GPR39: variants seen among roughly 807,000 people sequenced by gnomAD.
GPR39 encodes G protein-coupled receptor 39.
GPR39 carries 23 observed loss-of-function variants against 18.4 expected under a neutral mutation model. The observed-to-expected ratio is 1.25, with a 90% CI of 0.90 to 1.77. GPR39 has a LOEUF of 1.77. Among genes scored for constraint, GPR39 ranks in the 40% most tolerant of loss-of-function variants. The probability of loss-of-function intolerance (pLI) is 0.00; values close to 1 mark genes in which losing one functional copy is unlikely to be tolerated. For synonymous variants in GPR39, 280 were observed against 257.9 expected (o/e 1.09, Z -0.82); for missense variants, 647 against 602.4 (o/e 1.07, Z -0.78).
Position 132,512,563 on chromosome 2 carries a change from C to A in GPR39, c.856+94665C>A, listed in dbSNP as rs113782197. Among the ~76,000 whole-genome samples the A allele has an allele frequency of 9.2e-4, 140 of 152,318 alleles. 1 individual carries two copies. Among genetic ancestry groups the A allele is most frequent in the Non-Finnish European group, 1.6e-3 (112 of 68,028 alleles). ...GAATCAGGTTGGAATCCTCCCTCTA[C>A]TCTTTATCAGCTATGTGACCTCAGG... is the stretch of plus-strand genomic sequence containing the variant. On this transcript the variant is annotated intron_variant, in intron 1 of 1. Transcript: ENST00000329321.
At chr2:132,609,425 C>T (rs1007621306) in intron 1 of GPR39, among the ~76,000 whole-genome samples, 6 of 152,242 alleles carry the variant, frequency 3.9e-5, no homozygotes, top group South Asian at 2.1e-4. Context: ...GATGAGAAAA[C>T]GGAGAGTCAG....
chr2:132,607,771 CTCTT>C (rs1379208136), intron 1 of GPR39, among the ~76,000 whole-genome samples: 2 of 152,190 alleles, frequency 1.3e-5, no homozygotes, highest in Non-Finnish European at 2.9e-5. Context: ...GCTGCAAAAA[CTCTT>C]TCAATATGGC....
intron 1 of GPR39, among the ~76,000 whole-genome samples, chr2:132,524,532 C>T (rs1679477204): frequency 6.6e-6 from 1 of 152,164 alleles, no homozygotes; most frequent in South Asian, 2.1e-4. Flanking sequence ...CTGTGTCTCT[C>T]ATTTTCTCTA....
intron 1 of GPR39, among the ~76,000 whole-genome samples, chr2:132,576,440 C>A (rs1470340443): frequency 1.3e-5 from 2 of 152,030 alleles, no homozygotes; most frequent in Non-Finnish European, 2.9e-5. Context: ...ATCACTTGAG[C>A]CCAGGAATTC....
At chr2:132,492,728 C>CAT (rs756454266) in intron 1 of GPR39, among the ~76,000 whole-genome samples, 164 of 65,318 alleles carry the variant, frequency 2.5e-3, no homozygotes, top group Non-Finnish European at 4.9e-3. Flanking sequence ...ATATATATAC[C>CAT]ATATATATAT....
At chr2:132,552,126 A>C (rs1680055136) in intron 1 of GPR39, among the ~76,000 whole-genome samples, 1 of 152,230 alleles carries the variant, frequency 6.6e-6, no homozygotes, top group South Asian at 2.1e-4. Context: ...TCTGGCTATT[A>C]TTCCTTGACA....
intron 1 of GPR39, among the ~76,000 whole-genome samples, chr2:132,544,210 G>T (rs944503925): frequency 2.0e-5 from 3 of 152,194 alleles, no homozygotes; most frequent in Non-Finnish European, 4.4e-5. Flanking sequence ...GCTTGCCTGG[G>T]AGACTGTTGT....
chr2:132,493,288 CAT>C lies in GPR39; in HGVS notation c.856+75398_856+75399del, dbSNP rs1230844475. On this transcript the variant is annotated intron_variant, in intron 1 of 1. Transcript: ENST00000329321. ...TACCATATATGTATACCATATATAC[CAT>C]ATATATACACCATATATATACCATA... Among the ~76,000 whole-genome samples, 10 of 142,140 alleles carry C rather than the reference CAT, an allele frequency of 7.0e-5. No homozygotes were observed. In the East Asian group the frequency reaches 1.9e-3, roughly 27 times the overall value. 93.2% of individuals were successfully genotyped at this position (142,140 alleles called of 152,430 possible). A position where few individuals can be genotyped will look rare whatever the true frequency, so the allele number is the denominator to read the frequency against.
chr2:132,536,548 A>G (rs1679760422), intron 1 of GPR39, among the ~76,000 whole-genome samples: 1 of 152,204 alleles, frequency 6.6e-6, no homozygotes, highest in Admixed American at 6.5e-5. Flanking sequence ...TATTCTGTTG[A>G]TTTGGAATGA....
intron 1 of GPR39, among the ~76,000 whole-genome samples, chr2:132,490,752 G>A (rs1232927642): frequency 6.6e-6 from 1 of 152,012 alleles, no homozygotes; most frequent in African/African-American, 2.4e-5. Context: ...AAGGGACTGA[G>A]TGGGTTTGCT....
At chr2:132,462,634 T>C (rs1426699557) in intron 1 of GPR39, among the ~76,000 whole-genome samples, 1 of 152,244 alleles carries the variant, frequency 6.6e-6, no homozygotes, top group Non-Finnish European at 1.5e-5. Context: ...TTAAACACTC[T>C]GGCCTTTGCT....
Position 132,552,942 on chromosome 2 carries a change from AT to A in GPR39, c.857-92148del, listed in dbSNP as rs201811076. On this transcript the variant is annotated intron_variant, in intron 1 of 1. Transcript: ENST00000329321. ...TACACACACACACACACATATATATATTTTTTTTTTTGGAAACAGAGTCTCA... is the reference window on the plus strand; with the variant it reads ...TACACACACACACACACATATATATATTTTTTTTTTGGAAACAGAGTCTCA... Among the ~76,000 whole-genome samples the A allele has an allele frequency of 9.7e-3, 1,017 of 104,838 alleles. 6 individuals carry two copies. Among genetic ancestry groups the A allele is most frequent in the African/African-American group, 0.018 (593 of 32,394 alleles). 68.8% of individuals were successfully genotyped at this position (104,838 alleles called of 152,430 possible).
chr2:132,532,881 C>A (rs1326950041), intron 1 of GPR39, among the ~76,000 whole-genome samples: 1 of 152,160 alleles, frequency 6.6e-6, no homozygotes, highest in Non-Finnish European at 1.5e-5. Flanking sequence ...AAACCCACAG[C>A]CAATGTCATA....
At chr2:132,639,783 C>G (rs1197124274) in intron 1 of GPR39, among the ~76,000 whole-genome samples, 1 of 152,132 alleles carries the variant, frequency 6.6e-6, no homozygotes, top group Non-Finnish European at 1.5e-5. Flanking sequence ...TGCCAAATGC[C>G]TGTTCTTGGA....
rs557312619 is a variant in GPR39, at chr2:132,444,974, A to G, written c.856+27076A>G. ...AGAGCCAGATAAGATAAGAACACAG[A>G]TAAGATCTGTGTACAGATCTTAGGT... is the stretch of plus-strand genomic sequence containing the variant. On this transcript the variant is annotated intron_variant, in intron 1 of 1. Coordinates refer to ENST00000329321, the MANE Select transcript of GPR39 (RefSeq NM_001508.3). Among the ~76,000 whole-genome samples the G allele has an allele frequency of 3.3e-5, 5 of 152,332 alleles. No homozygotes were observed. In the East Asian group the frequency reaches 9.7e-4, roughly 29 times the overall value.
chr2:132,458,917 A>G (rs775348125), intron 1 of GPR39, among the ~76,000 whole-genome samples: 10 of 152,126 alleles, frequency 6.6e-5, no homozygotes, highest in Admixed American at 2.0e-4. Flanking sequence ...CATATATGAC[A>G]TATCTGTGTG....
chr2:132,494,452 A>T (rs1030111918), intron 1 of GPR39, among the ~76,000 whole-genome samples: 2 of 152,122 alleles, frequency 1.3e-5, no homozygotes, highest in African/African-American at 4.8e-5. Context: ...TTTGGCATCA[A>T]TTCCTGTCAC....
intron 1 of GPR39, among the ~76,000 whole-genome samples, chr2:132,635,284 C>T (rs555537443): frequency 2.6e-5 from 4 of 152,334 alleles, no homozygotes; most frequent in South Asian, 2.1e-4. Context: ...ACTATATAAA[C>T]GTTTTCTGTT....
chr2:132,645,827 C>T lies in GPR39; in HGVS notation c.*221C>T, dbSNP rs1208897696. The stretch of plus-strand genomic sequence containing the variant: ...ATGGGGGTGAACTTTCACTCCACCT[C>T]CTTCCTTCAAGTACATACTGAAAAT... On this transcript the variant is annotated 3_prime_UTR_variant, in exon 2 of 2. Transcript: ENST00000329321. The T allele has an allele frequency of 5.1e-5, 35 of 685,052 alleles. No homozygotes were observed. Among genetic ancestry groups the T allele is most frequent in the Non-Finnish European group, 7.4e-5 (31 of 418,976 alleles). 42.4% of individuals were successfully genotyped at this position (685,052 alleles called of 1,614,324 possible).
Sources: allele counts gnomAD v4.1 joint callset (sites outside exome capture counted in the v4.1 genomes callset), GRCh38; gene constraint gnomAD v4.1.1; transcripts MANE v1.5; gene names NCBI Gene and HGNC (gene_info 2026-07-23, HGNC 2026-07-21).